Variants in PAK3 observed in about 807,000 individuals in gnomAD.
PAK3 encodes p21 (RAC1) activated kinase 3.
Under a neutral mutation model 41.0 loss-of-function variants are expected in PAK3, and 4 were observed. The ratio of observed to expected loss-of-function variants is 0.10; its 90% confidence interval spans 0.05 to 0.22. The LOEUF is 0.22. PAK3 is among the 10% of genes least tolerant of loss of function. The pLI, the probability that PAK3 is intolerant of heterozygous loss-of-function variation, is 1.00. For missense variants in PAK3, 205 were observed against 409.9 expected (o/e 0.50, Z 4.32); for synonymous variants, 146 against 139.6 (o/e 1.05, Z -0.32).
chrX:111,180,501 T>C (rs1021305999), intron 11 of PAK3, among the ~76,000 whole-genome samples: 11 of 112,090 alleles, frequency 9.8e-5, no homozygotes, highest in African/African-American at 3.6e-4. Flanking sequence ...TAAATGAATA[T>C]GGATAAGTAC....
At chrX:111,022,274 G>A (rs1264855568) in intron 1 of PAK3, among the ~76,000 whole-genome samples, 1 of 111,888 alleles carries the variant, frequency 8.9e-6, no homozygotes. Flanking sequence ...AGAGCTGTGA[G>A]GCAAAAGCAT....
At chrX:111,147,481 G>A (rs1307217864) in intron 6 of PAK3, among the ~76,000 whole-genome samples, 1 of 109,101 alleles carries the variant, frequency 9.2e-6, no homozygotes, top group African/African-American at 3.4e-5. Flanking sequence ...ATTTTCATGC[G>A]CTTTTTTTTT....
chrX:111,021,747 G>A (rs1329999419), intron 1 of PAK3, among the ~76,000 whole-genome samples: 1 of 110,608 alleles, frequency 9.0e-6, no homozygotes, highest in East Asian at 2.9e-4. Flanking sequence ...CTAGAGAAAG[G>A]TAAAGTCCAA....
chrX:110,974,059 T>A (rs973302510), intron 1 of PAK3, among the ~76,000 whole-genome samples: 8 of 111,747 alleles, frequency 7.2e-5, no homozygotes, highest in African/African-American at 2.3e-4. Flanking sequence ...CCCAGATTCA[T>A]AAAGCAAGTC....
At chrX:111,037,076 T>G (rs2092407103) in intron 1 of PAK3, among the ~76,000 whole-genome samples, 1 of 110,948 alleles carries the variant, frequency 9.0e-6, no homozygotes, top group Non-Finnish European at 1.9e-5. Flanking sequence ...TCCCGAGCAG[T>G]CGGGATTACA....
chrX:110,944,495 CT>C (rs2090567077), exon 1 of PAK3: 1 of 112,840 alleles, frequency 8.9e-6, no homozygotes, highest in Non-Finnish European at 1.9e-5. Flanking sequence ...CTGTGATCTC[CT>C]ATCCCCTCTG....
chrX:111,202,031 T>C, intron 16 of PAK3, among the ~76,000 whole-genome samples: 1 of 110,131 alleles, frequency 9.1e-6, no homozygotes. Context: ...CACAGTTCAG[T>C]ACAATTACCA....
intron 1 of PAK3, among the ~76,000 whole-genome samples, chrX:110,991,880 GA>G (rs199591326): frequency 1.9e-5 from 2 of 107,494 alleles, no homozygotes; most frequent in African/African-American, 6.8e-5. Context: ...GATATGACAA[GA>G]AAAAAAAACA....
At chrX:111,068,995 A>T (rs1328850437) in intron 1 of PAK3, among the ~76,000 whole-genome samples, 1 of 111,929 alleles carries the variant, frequency 8.9e-6, no homozygotes, top group African/African-American at 3.2e-5. Flanking sequence ...ACAAATGGTA[A>T]TAGTCTGTCG....
chrX:111,095,412 A>G (rs894046479), upstream of PAK3, among the ~76,000 whole-genome samples: 1 of 111,554 alleles, frequency 9.0e-6, no homozygotes, highest in Non-Finnish European at 1.9e-5. Context: ...TAGCCAAATC[A>G]TGGGGAGTAT....
intron 1 of PAK3, among the ~76,000 whole-genome samples, chrX:111,066,592 C>T (rs1041560592): frequency 1.3e-4 from 15 of 111,755 alleles, no homozygotes; most frequent in Admixed American, 5.7e-4. Flanking sequence ...ATATGTCAAG[C>T]GTTGAATTTA....
At chrX:111,092,699 T>G (rs1355471509), upstream of PAK3, among the ~76,000 whole-genome samples, 2 of 112,051 alleles carry the variant, frequency 1.8e-5, no homozygotes, top group East Asian at 5.6e-4. Context: ...TATGTACAAC[T>G]TTTTACATGG....
intron 1 of PAK3, among the ~76,000 whole-genome samples, chrX:111,049,541 A>T (rs2092535197): frequency 8.9e-6 from 1 of 112,215 alleles, no homozygotes; most frequent in African/African-American, 3.2e-5. Flanking sequence ...TTTTAATTAA[A>T]TTGGTGGTAG....
chrX:111,221,609 G>T lies in PAK3; in HGVS notation c.*1162G>T, dbSNP rs1395153128. The T allele has an allele frequency of 9.0e-6, 1 of 111,624 alleles. No individual in the cohort carries two copies. The highest frequency in any genetic ancestry group is 3.3e-5 in the African/African-American group (1 of 30,717). The allele number at this position is 111,624 out of a possible 1,213,427, so 9.2% of individuals were successfully genotyped here. ...ATTATTTATTTTGACAATTTATAAC[G>T]TTTAAAAAAGTTTTTTAAAGATCTA... On this transcript the variant is annotated 3_prime_UTR_variant, in exon 18 of 18. Transcript: ENST00000372007.
At chrX:111,058,544 G>A (rs1429618664) in intron 1 of PAK3, among the ~76,000 whole-genome samples, 1 of 111,489 alleles carries the variant, frequency 9.0e-6, no homozygotes, top group Non-Finnish European at 1.9e-5. Flanking sequence ...TTATGGAGTT[G>A]TAAGTGTTCC....
rs760998484 is a variant in PAK3 at position 111,142,888 on chromosome X, CT to C, written c.276+696del. On this transcript the variant is annotated intron_variant, in intron 6 of 17. Coordinates refer to ENST00000372007, the MANE Select transcript of PAK3 (RefSeq NM_002578.5). Reference sequence around the variant, plus strand: ...GACAGACCATAGCTATAGATCAAGCCTTTTGCTGAATATTTGTAGTGCTCAA... The same window carrying C: ...GACAGACCATAGCTATAGATCAAGCCTTTGCTGAATATTTGTAGTGCTCAA... Among the ~76,000 whole-genome samples, 3 of 110,494 alleles carry C rather than the reference CT, an allele frequency of 2.7e-5. No homozygotes were observed. The East Asian group carries it at 8.5e-4, about 31-fold the overall frequency.
At chrX:111,135,369 G>A (rs2093774976) in intron 5 of PAK3, among the ~76,000 whole-genome samples, 1 of 111,042 alleles carries the variant, frequency 9.0e-6, no homozygotes, top group Admixed American at 9.6e-5. Flanking sequence ...ATTTAGTGTG[G>A]GGGTCTGTGA....
chrX:111,151,865 T>C (rs1480648133), intron 7 of PAK3, among the ~76,000 whole-genome samples: 2 of 112,098 alleles, frequency 1.8e-5, no homozygotes, highest in Non-Finnish European at 3.8e-5. Context: ...CCAAACTGGC[T>C]ATTAAGTGAC....
chrX:111,100,278 C>G (rs771307749), intron 3 of PAK3, among the ~76,000 whole-genome samples: 17 of 111,372 alleles, frequency 1.5e-4, no homozygotes, highest in African/African-American at 5.6e-4. Context: ...TTCGTGCCCT[C>G]CTCCCATATC....
Sources: allele counts gnomAD v4.1 joint callset (sites outside exome capture counted in the v4.1 genomes callset), GRCh38; gene constraint gnomAD v4.1.1; transcripts MANE v1.5; gene names NCBI Gene and HGNC (gene_info 2026-07-23, HGNC 2026-07-21).